ERGIC2: variants seen among roughly 807,000 people sequenced by gnomAD.
ERGIC2 encodes ERGIC and golgi 2, also known as endoplasmic reticulum-Golgi intermediate compartment protein 2.
In ERGIC2, 31 loss-of-function variants were observed where a neutral mutation model predicts 52.5. That is an observed-to-expected ratio of 0.59 (90% CI 0.44 to 0.80). ERGIC2 has a LOEUF of 0.80. Among genes scored for constraint, ERGIC2 ranks in the 30% least tolerant of loss-of-function variants. The pLI, the probability that ERGIC2 is intolerant of heterozygous loss-of-function variation, is 0.00. For synonymous variants in ERGIC2, 129 were observed against 140.6 expected (o/e 0.92, Z 0.58); for missense variants, 395 against 455.2 (o/e 0.87, Z 1.20).
chr12:29,364,368 A>G (rs527529089), intron 5 of ERGIC2, among the ~76,000 whole-genome samples: 74 of 152,258 alleles, frequency 4.9e-4, no homozygotes, highest in African/African-American at 1.6e-3. Context: ...AGGACTCTCT[A>G]TTCAATAAAT....
rs1220330843 is a variant in ERGIC2 at position 29,370,055 on chromosome 12, A to G, written c.215+59T>C. 4 of 1,389,902 alleles carry G rather than the reference A, an allele frequency of 2.9e-6. No individual in the cohort carries two copies. The East Asian group carries it at 1.1e-4, about 39-fold the overall frequency. The allele number at this position is 1,389,902 out of a possible 1,614,324, so 86.1% of individuals were successfully genotyped here. A position where few individuals can be genotyped will look rare whatever the true frequency, so the allele number is the denominator to read the frequency against. ...TTAGACTTTTTCTTTTTTAAAAGGT[A>G]TGCTCTTTTTAAAACAATTTGAATC... On this transcript the variant is annotated intron_variant, in intron 3 of 13. Coordinates refer to ENST00000360150, the MANE Select transcript of ERGIC2 (RefSeq NM_016570.3).
intron 6 of ERGIC2, among the ~76,000 whole-genome samples, chr12:29,358,028 G>A (rs1940233016): frequency 6.6e-6 from 1 of 152,130 alleles, no homozygotes; most frequent in African/African-American, 2.4e-5. Flanking sequence ...CATCTTTCAT[G>A]CATACATGCA....
intron 8 of ERGIC2, among the ~76,000 whole-genome samples, chr12:29,352,896 T>A (rs920545259): frequency 6.6e-6 from 1 of 152,120 alleles, no homozygotes; most frequent in African/African-American, 2.4e-5. Context: ...TTAAAAAAAA[T>A]TAAAAAATCA....
chr12:29,352,479 A>G (rs1345152227), intron 8 of ERGIC2, among the ~76,000 whole-genome samples: 1 of 152,166 alleles, frequency 6.6e-6, no homozygotes, highest in Non-Finnish European at 1.5e-5. Context: ...CCTGGCCAAC[A>G]TGGTGAAACC....
Position 29,371,588 on chromosome 12 carries a change from A to G in ERGIC2, c.46T>C (p.Leu16=), listed in dbSNP as rs766458936. ...TCAGGAACCTTCGGAAAGGCATCCA[A>G]CTCTTTTACCAAACTTAAAGTTTTT... The part of the protein sequence containing the change: ...RKKTLSLVKE[L]DAFPKVPESY... Residue 16 remains leucine, a synonymous_variant, in exon 2 of 14, where the codon TTG becomes CTG. Coordinates refer to ENST00000360150, the MANE Select transcript of ERGIC2 (RefSeq NM_016570.3). The G allele has an allele frequency of 1.9e-6, 3 of 1,613,530 alleles. No homozygotes were observed. Among genetic ancestry groups the G allele is most frequent in the East Asian group, 2.2e-5 (1 of 44,860 alleles).
intron 8 of ERGIC2, among the ~76,000 whole-genome samples, chr12:29,353,736 T>TC (rs1940165835): frequency 6.6e-6 from 1 of 152,058 alleles, no homozygotes; most frequent in South Asian, 2.1e-4. Context: ...CTTCTTTTTT[T>TC]TTTTGTTAAC....
intron 7 of ERGIC2, among the ~76,000 whole-genome samples, chr12:29,357,114 GCACCCACCACACC>G (rs1404990221): frequency 1.3e-5 from 2 of 151,802 alleles, no homozygotes; most frequent in African/African-American, 4.8e-5. Flanking sequence ...CTGCATACAT[GCACCCACCACACC>G]CAGCTAATTT....
chr12:29,376,380 C>T (rs1940514877), intron 1 of ERGIC2, among the ~76,000 whole-genome samples: 1 of 152,126 alleles, frequency 6.6e-6, no homozygotes, highest in Non-Finnish European at 1.5e-5. Context: ...GACTTCAGCA[C>T]CCAGATCATT....
chr12:29,342,575 G>C (rs995042820), intron 12 of ERGIC2, among the ~76,000 whole-genome samples: 2 of 151,884 alleles, frequency 1.3e-5, no homozygotes, highest in Non-Finnish European at 2.9e-5. Flanking sequence ...ATTACAATTC[G>C]ACAAATAATC....
chr12:29,381,126 G>T lies in ERGIC2; in HGVS notation c.-49C>A, dbSNP rs561915006. ...TTTCAGTATTTTACCTTGTGTTATG[G>T]TCCCAGCCTACCGCCATGTTTCACA... is the stretch of plus-strand genomic sequence containing the variant. On this transcript the variant is annotated 5_prime_UTR_variant, in exon 1 of 14. Coordinates refer to ENST00000360150, the MANE Select transcript of ERGIC2 (RefSeq NM_016570.3). 6.6e-6 allele frequency: 1 copy of T among 152,206 alleles called. No individual in the cohort carries two copies. Among genetic ancestry groups the T allele is most frequent in the Non-Finnish European group, 1.5e-5 (1 of 68,070 alleles). 9.4% of individuals were successfully genotyped at this position (152,206 alleles called of 1,614,324 possible). A position where few individuals can be genotyped will look rare whatever the true frequency, so the allele number is the denominator to read the frequency against.
In ERGIC2 at chr12:29,338,258, T is replaced by G. The variant is rs1949811138; in HGVS notation, c.*2898A>C. 6.6e-6 allele frequency: 1 copy of G among 152,170 alleles called. No homozygotes were observed. Among genetic ancestry groups the G allele is most frequent in the Non-Finnish European group, 1.5e-5 (1 of 68,032 alleles). 9.4% of individuals were successfully genotyped at this position (152,170 alleles called of 1,614,324 possible). On this transcript the variant is annotated 3_prime_UTR_variant, in exon 14 of 14. Coordinates refer to ENST00000360150, the MANE Select transcript of ERGIC2 (RefSeq NM_016570.3). ...TTGTATTAAAGACTGTAAATCTTGT[T>G]TGCATTAGTAAATTTTTAATTATAA...
rs960114622 is a variant in ERGIC2 at position 29,360,665 on chromosome 12, C to T, written c.374+980G>A. On this transcript the variant is annotated intron_variant, in intron 6 of 13. Transcript: ENST00000360150. ...TATCATAATTTTGTATATATATACA[C>T]AGAAATATATATAATATACATATTA... Among the ~76,000 whole-genome samples, 5 of 147,888 alleles carry T rather than the reference C, an allele frequency of 3.4e-5. No individual in the cohort carries two copies. The South Asian group carries it at 1.0e-3, about 31-fold the overall frequency.
intron 8 of ERGIC2, among the ~76,000 whole-genome samples, chr12:29,356,097 C>T (rs1940200008): frequency 6.6e-6 from 1 of 151,996 alleles, no homozygotes; most frequent in South Asian, 2.1e-4. Context: ...TCTCGGCTCA[C>T]TACAACCTCC....
At chr12:29,358,763 T>C (rs535964824) in intron 6 of ERGIC2, among the ~76,000 whole-genome samples, 2 of 152,258 alleles carry the variant, frequency 1.3e-5, no homozygotes, top group South Asian at 2.1e-4. Context: ...AATCTCATAA[T>C]ACTTTACCAT....
In ERGIC2 at chr12:29,337,527, C is replaced by T. The variant is rs1045210982; in HGVS notation, c.*3629G>A. 3 of 152,060 alleles carry T rather than the reference C, an allele frequency of 2.0e-5. No individual in the cohort carries two copies. Among genetic ancestry groups the T allele is most frequent in the Non-Finnish European group, 2.9e-5 (2 of 68,000 alleles). 9.4% of individuals were successfully genotyped at this position (152,060 alleles called of 1,614,324 possible). On this transcript the variant is annotated 3_prime_UTR_variant, in exon 14 of 14. Coordinates refer to ENST00000360150, the MANE Select transcript of ERGIC2 (RefSeq NM_016570.3). Reference sequence around the variant, plus strand: ...GAAAAAAACTATGCTTTGATTGCATCATCACAATATGGGGGGGATACATGG... The same window carrying T: ...GAAAAAAACTATGCTTTGATTGCATTATCACAATATGGGGGGGATACATGG...
chr12:29,364,663 T>C (rs1336865196), intron 5 of ERGIC2, among the ~76,000 whole-genome samples: 3 of 151,644 alleles, frequency 2.0e-5, no homozygotes, highest in Non-Finnish European at 4.4e-5. Context: ...ACCAACAGAG[T>C]AAACAGACAA....
In ERGIC2 at chr12:29,340,966, C is replaced by T. The variant is rs1949834873; in HGVS notation, c.*190G>A. The T allele has an allele frequency of 1.7e-6, 1 of 588,004 alleles. No homozygotes were observed. The highest frequency in any genetic ancestry group is 3.1e-6 in the Non-Finnish European group (1 of 327,272). 36.4% of individuals were successfully genotyped at this position (588,004 alleles called of 1,614,324 possible). A position where few individuals can be genotyped will look rare whatever the true frequency, so the allele number is the denominator to read the frequency against. On this transcript the variant is annotated 3_prime_UTR_variant, in exon 14 of 14. Transcript: ENST00000360150. The stretch of plus-strand genomic sequence containing the variant: ...TTTAGCTGCATGATTTCTTCTACGA[C>T]ATTTGTAACAGACACAACGTATATA...
At chr12:29,356,272 C>T in intron 8 of ERGIC2, 110 bp downstream of exon 8, 1 of 644,038 alleles carries the variant, frequency 1.6e-6, no homozygotes. Context: ...ATCCACCCGC[C>T]TCAGCCTCCC....
At chr12:29,380,505 TCTC>T (rs1365729812) in intron 1 of ERGIC2, 1 of 152,162 alleles carries the variant, frequency 6.6e-6, no homozygotes, top group African/African-American at 2.4e-5. Context: ...ACAAGGCTAT[TCTC>T]CACCACGAGT....
Sources: gnomAD v4.1 joint callset for allele counts (sites outside exome capture counted in the v4.1 genomes callset) on GRCh38, gnomAD v4.1.1 for gene constraint, MANE v1.5 for transcripts, NCBI Gene and HGNC (gene_info 2026-07-23, HGNC 2026-07-21) for gene names.